The following STRA6 variants were observed in gnomAD, a reference collection of about 807,000 sequenced individuals.
The protein encoded by STRA6 is receptor for retinol uptake STRA6.
STRA6 carries 48 observed loss-of-function variants against 83.6 expected under a neutral mutation model. That is an observed-to-expected ratio of 0.57 (90% CI 0.46 to 0.73). The LOEUF (loss-of-function observed/expected upper bound fraction) is 0.73. STRA6 is among the 30% of genes least tolerant of loss of function. The pLI, the probability that STRA6 is intolerant of heterozygous loss-of-function variation, is 0.00. For missense variants in STRA6, 760 were observed against 838.8 expected (o/e 0.91, Z 1.16); for synonymous variants, 353 against 362.3 (o/e 0.97, Z 0.29).
At chr15:74,204,032 G>A (rs1003338659), upstream of STRA6, among the ~76,000 whole-genome samples, 10 of 152,180 alleles carry the variant, frequency 6.6e-5, no homozygotes, top group Admixed American at 1.3e-4. Context: ...CAGGATTAGG[G>A]GCTGAGCACC....
At chr15:74,199,048 G>C (rs1338484754) in intron 2 of STRA6, among the ~76,000 whole-genome samples, 1 of 152,234 alleles carries the variant, frequency 6.6e-6, no homozygotes, top group East Asian at 1.9e-4. Context: ...GGGAGAGCCA[G>C]AGGGAGGGTG....
At chr15:74,208,383 G>A (rs912223894) in intron 1 of STRA6, among the ~76,000 whole-genome samples, 3 of 152,100 alleles carry the variant, frequency 2.0e-5, no homozygotes, top group Non-Finnish European at 2.9e-5. Context: ...TTCCTCCCTG[G>A]GCTGGCCACC....
At chr15:74,184,880 A>T (rs1326636606) in intron 13 of STRA6, 100 bp downstream of exon 13, 2 of 1,225,564 alleles carry the variant, frequency 1.6e-6, no homozygotes, top group African/African-American at 3.0e-5. Flanking sequence ...GGGCCGGCAG[A>T]GCCCTTCCCT....
intron 10 of STRA6, 127 bp from the exon 11 acceptor site, chr15:74,191,028 C>T (rs2073505102): frequency 6.4e-7 from 1 of 1,568,024 alleles, no homozygotes; most frequent in Non-Finnish European, 8.6e-7. Flanking sequence ...CCAGGGTCTT[C>T]CCGCTGTCCC....
chr15:74,203,129 CG>C (rs968515378), upstream of STRA6: 1 of 985,432 alleles, frequency 1.0e-6, no homozygotes, highest in Non-Finnish European at 1.2e-6. Context: ...TGGGCTGGGG[CG>C]GAGGCAGGGA....
chr15:74,184,626 C>T (rs772967218), intron 13 of STRA6, among the ~76,000 whole-genome samples: 7 of 152,242 alleles, frequency 4.6e-5, no homozygotes, highest in Admixed American at 2.6e-4. Flanking sequence ...ACAGTCCTCA[C>T]CTCCTATCTC....
rs1249286202 is a variant in STRA6 at position 74,185,040 on chromosome 15, G to T, written c.1106C>A (p.Ala369Asp). The part of the protein sequence containing the change: ...LWALEVCYIS[A>D]LVLSCLLTFL... ...GGTGAGTAAGCAGGACAAGACCAAG[G>T]CTGAGATGTAGCACACTGGTGGGCA... Residue 369 changes from alanine (A) to aspartate (D), a missense_variant, in exon 13 of 19, where the codon GCC (alanine) becomes GAC (aspartate). Coordinates refer to ENST00000395105, the MANE Select transcript of STRA6 (RefSeq NM_022369.4). 1 of 1,614,054 alleles carries T rather than the reference G, an allele frequency of 6.2e-7. No individual in the cohort carries two copies. Among genetic ancestry groups the T allele is most frequent in the Non-Finnish European group, 8.5e-7 (1 of 1,179,954 alleles).
Position 74,180,153 on chromosome 15 carries a change from G to A in STRA6, c.1931C>T (p.Thr644Met), listed in dbSNP as rs118203960. 31 of 1,613,894 alleles carry A rather than the reference G, an allele frequency of 1.9e-5. No homozygotes were observed. The highest frequency in any genetic ancestry group is 2.4e-5 in the Non-Finnish European group (28 of 1,180,004). ...RGRARWGLAY[T>M]LLHNPTLQVF... The stretch of plus-strand genomic sequence containing the variant: ...CTGCAGGGTTGGGTTGTGCAGCAGC[G>A]TGTAGGCCAGACCCCAGCGAGCCCT... The change falls in exon 19 of 19, where the codon ACG (threonine) becomes ATG (methionine). Residue 644 changes from threonine to methionine, a missense_variant. By Grantham distance (81) the Thr-to-Met change is moderately conservative (BLOSUM62 -1). Coordinates refer to ENST00000395105, the MANE Select transcript of STRA6 (RefSeq NM_022369.4).
At chr15:74,183,807 G>A in intron 14 of STRA6, 49 bp downstream of exon 14, 3 of 1,613,144 alleles carry the variant, frequency 1.9e-6, no homozygotes, top group Non-Finnish European at 2.5e-6. Context: ...GCCAGTGTCT[G>A]AGGGGAGGCC....
chr15:74,185,177 G>T, intron 12 of STRA6, 122 bp from the exon 13 acceptor site: 1 of 956,958 alleles, frequency 1.0e-6, no homozygotes, highest in Non-Finnish European at 1.6e-6. Context: ...TGAACTCTGT[G>T]TGGAAGCCTC....
chr15:74,207,860 G>A (rs1318849967), intron 1 of STRA6: 22 of 1,525,656 alleles, frequency 1.4e-5, no homozygotes, highest in Non-Finnish European at 1.7e-5. Context: ...ACCAGACCAA[G>A]TCTGACTCCA....
chr15:74,190,440 G>A (rs2073474559), intron 11 of STRA6, among the ~76,000 whole-genome samples: 1 of 151,286 alleles, frequency 6.6e-6, no homozygotes, highest in Non-Finnish European at 1.5e-5. Flanking sequence ...TTTTTTTTCG[G>A]AGGTGGTGAG....
upstream of STRA6, chr15:74,209,370 C>T: frequency 6.5e-7 from 1 of 1,535,424 alleles, no homozygotes; most frequent in Non-Finnish European, 8.7e-7. Context: ...TCCATTTGTC[C>T]CCATCCATCA....
chr15:74,196,434 C>T (rs2073827091), intron 4 of STRA6: 9 of 474,016 alleles, frequency 1.9e-5, no homozygotes, highest in South Asian at 8.5e-5. Context: ...CACCTCCACA[C>T]TAATTGGTCT....
chr15:74,183,779 C>G, intron 14 of STRA6, 77 bp downstream of exon 14: 1 of 1,610,334 alleles, frequency 6.2e-7, no homozygotes, highest in South Asian at 1.1e-5. Flanking sequence ...TTGCTGAGCA[C>G]TCTTCTCCCC....
At chr15:74,200,197 G>A (rs1004808415) in intron 2 of STRA6, among the ~76,000 whole-genome samples, 6 of 152,232 alleles carry the variant, frequency 3.9e-5, no homozygotes, top group African/African-American at 1.4e-4. Flanking sequence ...TCCAACCCGG[G>A]CAACAAGAGC....
chr15:74,197,637 C>A, intron 3 of STRA6, 115 bp downstream of exon 3: 2 of 1,391,764 alleles, frequency 1.4e-6, no homozygotes, highest in South Asian at 2.5e-5. Context: ...CCAGATAGCT[C>A]CCCCCACCCA....
intron 2 of STRA6, among the ~76,000 whole-genome samples, chr15:74,201,103 G>T (rs1324705785): frequency 6.6e-6 from 1 of 152,208 alleles, no homozygotes; most frequent in Non-Finnish European, 1.5e-5. Context: ...GCTGACTGCA[G>T]GCTATTTTCC....
chr15:74,196,320 T>A, intron 4 of STRA6, 173 bp from the exon 5 acceptor site: 1 of 1,079,270 alleles, frequency 9.3e-7, no homozygotes, highest in Non-Finnish European at 1.3e-6. Flanking sequence ...GCCTCTTATC[T>A]ACCAAGCTCT....
Sources: allele counts gnomAD v4.1 joint callset (sites outside exome capture counted in the v4.1 genomes callset), GRCh38; gene constraint gnomAD v4.1.1; transcripts MANE v1.5; gene names NCBI Gene and HGNC (gene_info 2026-07-23, HGNC 2026-07-21).